The following MATN1 variants were observed in gnomAD, a reference collection of about 807,000 sequenced individuals.
MATN1 encodes the protein matrilin-1.
In MATN1, 34 loss-of-function variants were observed where a neutral mutation model predicts 41.3. That is an observed-to-expected ratio of 0.82 (90% CI 0.63 to 1.10). The LOEUF (loss-of-function observed/expected upper bound fraction) is 1.10, where lower values mean the gene tolerates loss of function less well. Among genes scored for constraint, MATN1 ranks in the 50% least tolerant of loss-of-function variants. The probability of loss-of-function intolerance (pLI) is 0.00; values close to 1 mark genes in which losing one functional copy is unlikely to be tolerated. For synonymous variants in MATN1, 264 were observed against 278.7 expected (o/e 0.95, Z 0.53); for missense variants, 602 against 662.4 (o/e 0.91, Z 1.00).
Position 30,712,743 on chromosome 1 carries a change from TGAACGAATGAGTGAAC to T in MATN1, c.*823_*838del, listed in dbSNP as rs1185314679. On this transcript the variant is annotated 3_prime_UTR_variant, in exon 8 of 8. Coordinates refer to ENST00000373765, the MANE Select transcript of MATN1 (RefSeq NM_002379.3). ...CATTGCCCTGTAAGTACATGATACC[TGAACGAATGAGTGAAC>T]GAATGAATGAATGAACAAATGAGTC... 2 of 152,208 alleles carry T rather than the reference TGAACGAATGAGTGAAC, an allele frequency of 1.3e-5. No individual in the cohort carries two copies. The highest frequency in any genetic ancestry group is 2.9e-5 in the Non-Finnish European group (2 of 68,066). The allele number at this position is 152,208 out of a possible 1,614,324, so 9.4% of individuals were successfully genotyped here. A position where few individuals can be genotyped will look rare whatever the true frequency, so the allele number is the denominator to read the frequency against.
chr1:30,718,640 G>C, intron 3 of MATN1, 95 bp downstream of exon 3: 1 of 502,106 alleles, frequency 2.0e-6, no homozygotes, highest in Non-Finnish European at 2.8e-6. Context: ...CTCCGTCTGC[G>C]CCTCAGCCTC....
At position 30,713,468 on chromosome 1, in the gene MATN1, G is replaced by A. The variant is rs2124150160; in HGVS notation, c.*114C>T. ...AAACGCCATTACACGCTCTCAATAG[G>A]CACACCCAGACACACCCCCTCCCAC... On this transcript the variant is annotated 3_prime_UTR_variant, in exon 8 of 8. Coordinates refer to ENST00000373765, the MANE Select transcript of MATN1 (RefSeq NM_002379.3). The A allele has an allele frequency of 1.0e-6, 1 of 987,320 alleles. No individual in the cohort carries two copies. Among genetic ancestry groups the A allele is most frequent in the East Asian group, 2.6e-5 (1 of 38,162 alleles). The allele number at this position is 987,320 out of a possible 1,614,324, so 61.2% of individuals were successfully genotyped here. A position where few individuals can be genotyped will look rare whatever the true frequency, so the allele number is the denominator to read the frequency against.
In MATN1 at chr1:30,721,484, C is replaced by A. The variant is rs776679810; in HGVS notation, c.362G>T (p.Gly121Val). The A allele has an allele frequency of 1.2e-6, 2 of 1,613,556 alleles. No homozygotes were observed. Among genetic ancestry groups the A allele is most frequent in the Non-Finnish European group, 1.7e-6 (2 of 1,180,024 alleles). Reference sequence around the variant, plus strand: ...GGTGATAGCGAACTGGATGGCCAGGCCGGTCATGGTGCCTGTGGACAGCGG... The same window carrying A: ...GGTGATAGCGAACTGGATGGCCAGGACGGTCATGGTGCCTGTGGACAGCGG... The part of the protein sequence containing the change: ...IQPLSTGTMT[G>V]LAIQFAITKA... Residue 121 changes from glycine to valine, a missense_variant, in exon 2 of 8, where the codon GGC becomes GTC. Gly to Val is a moderately radical substitution (Grantham distance 109). Coordinates refer to ENST00000373765, the MANE Select transcript of MATN1 (RefSeq NM_002379.3).
At chr1:30,720,141 A>G (rs1191253093) in intron 2 of MATN1, 2 of 151,004 alleles carry the variant, frequency 1.3e-5, no homozygotes, top group East Asian at 3.9e-4. Context: ...TCGAGTCCCT[A>G]CTCCCCTCCC....
In MATN1 at chr1:30,713,310, T is replaced by A; in HGVS notation, c.*272A>T. 2.0e-6 allele frequency: 1 copy of A among 490,296 alleles called. No homozygotes were observed. The highest frequency in any genetic ancestry group is 3.7e-6 in the Non-Finnish European group (1 of 271,552). The allele number at this position is 490,296 out of a possible 1,614,324, so 30.4% of individuals were successfully genotyped here. On this transcript the variant is annotated 3_prime_UTR_variant, in exon 8 of 8. Transcript: ENST00000373765. Reference sequence around the variant, plus strand: ...AATGCAAACGCAGTCCCTCTCACACTCACCCCTGCATTATCACTCTCACAC... The same window carrying A: ...AATGCAAACGCAGTCCCTCTCACACACACCCCTGCATTATCACTCTCACAC...
chr1:30,720,203 C>T (rs1297658242), intron 2 of MATN1: 2 of 152,208 alleles, frequency 1.3e-5, no homozygotes, highest in Non-Finnish European at 2.9e-5. Context: ...CACAGGTGAA[C>T]TCCAGGCTGA....
chr1:30,721,358 C>T (rs777329025), intron 2 of MATN1, 47 bp downstream of exon 2: 18 of 1,531,894 alleles, frequency 1.2e-5, no homozygotes, highest in African/African-American at 6.8e-5. Context: ...TAACTCCGAG[C>T]GGGAGCCTCC....
chr1:30,718,648 C>T lies in MATN1; in HGVS notation c.664+87G>A, dbSNP rs560610260. 1.9e-4 allele frequency: 179 copies of T among 922,782 alleles called. 1 individual carries two copies. In the East Asian group the frequency reaches 4.9e-3, roughly 25 times the overall value. 57.2% of individuals were successfully genotyped at this position (922,782 alleles called of 1,614,324 possible). On this transcript the variant is annotated intron_variant, in intron 3 of 7. Coordinates refer to ENST00000373765, the MANE Select transcript of MATN1 (RefSeq NM_002379.3). ...GCGCTGGCTCCGTCTGCGCCTCAGCCTCGGTCCCGCCTCCAGCCCTGGCCC... is the reference window on the plus strand; with the variant it reads ...GCGCTGGCTCCGTCTGCGCCTCAGCTTCGGTCCCGCCTCCAGCCCTGGCCC...
intron 6 of MATN1, among the ~76,000 whole-genome samples, chr1:30,714,762 C>T (rs1445853352): frequency 6.6e-6 from 1 of 152,198 alleles, no homozygotes; most frequent in East Asian, 1.9e-4. Context: ...CTGAAACCCA[C>T]ACTCCTTACC....
At position 30,715,046 on chromosome 1, in the gene MATN1, G is replaced by A. The variant is rs1569826676; in HGVS notation, c.1360+111C>T. On this transcript the variant is annotated intron_variant, in intron 6 of 7. Coordinates refer to ENST00000373765, the MANE Select transcript of MATN1 (RefSeq NM_002379.3). ...CCACCTTCTGGTTCTGCCAACTCTT[G>A]GTGCCACCTCGGCCCCTGCTTTTCC... The A allele has an allele frequency of 3.1e-6, 4 of 1,310,786 alleles. No homozygotes were observed. In the East Asian group the frequency reaches 9.3e-5, roughly 31 times the overall value. 81.2% of individuals were successfully genotyped at this position (1,310,786 alleles called of 1,614,324 possible).
At chr1:30,715,870 C>T (rs373535890) in intron 5 of MATN1, 39 bp downstream of exon 5, 61 of 1,574,910 alleles carry the variant, frequency 3.9e-5, no homozygotes, top group Admixed American at 8.6e-5. Flanking sequence ...GTACCCCTGG[C>T]CATCAGTGGT....
At position 30,716,869 on chromosome 1, in the gene MATN1, C is replaced by T. The variant is rs1051956818; in HGVS notation, c.711G>A (p.Val237=). The part of the protein sequence containing the change: ...CATGDHDCEQ[V]CISSPGSYTC... ...TGTAGGAACCGGGGGAGCTGATGCACACCTGCTCACAGTCATGGTCCCCTG... is the reference window on the plus strand; with the variant it reads ...TGTAGGAACCGGGGGAGCTGATGCATACCTGCTCACAGTCATGGTCCCCTG... Residue 237 remains valine, a synonymous_variant, in exon 4 of 8, where the codon GTG becomes GTA. Transcript: ENST00000373765. The T allele has an allele frequency of 1.9e-6, 3 of 1,613,730 alleles. No individual in the cohort carries two copies. The highest frequency in any genetic ancestry group is 2.5e-6 in the Non-Finnish European group (3 of 1,179,910).
chr1:30,713,275 T>G lies in MATN1; in HGVS notation c.*307A>C, dbSNP rs1455278003. ...AAAAGATGGGAATATATTAAGCTTT[T>G]GATTATAAAAATGCAAACGCAGTCC... is the stretch of plus-strand genomic sequence containing the variant. On this transcript the variant is annotated 3_prime_UTR_variant, in exon 8 of 8. Coordinates refer to ENST00000373765, the MANE Select transcript of MATN1 (RefSeq NM_002379.3). The G allele has an allele frequency of 9.7e-6, 4 of 412,956 alleles. No individual in the cohort carries two copies. Among genetic ancestry groups the G allele is most frequent in the Non-Finnish European group, 1.8e-5 (4 of 225,648 alleles). 25.6% of individuals were successfully genotyped at this position (412,956 alleles called of 1,614,324 possible).
At chr1:30,716,350 G>A (rs1417949138) in intron 4 of MATN1, 25 bp from the exon 5 acceptor site, 2 of 1,602,376 alleles carry the variant, frequency 1.2e-6, no homozygotes, top group Non-Finnish European at 8.5e-7. Context: ...AAGGCAACGG[G>A]CTGAAGCTGA....
At chr1:30,713,688 T>C in intron 7 of MATN1, 57 bp from the exon 8 acceptor site, 1 of 1,437,056 alleles carries the variant, frequency 7.0e-7, no homozygotes, top group Non-Finnish European at 9.6e-7. Flanking sequence ...GGGATGGCTG[T>C]GGCCCTGCAC....
chr1:30,715,447 G>GA (rs1639603359), intron 5 of MATN1, 138 bp from the exon 6 acceptor site: 1 of 742,546 alleles, frequency 1.3e-6, no homozygotes, highest in South Asian at 1.8e-5. Flanking sequence ...ACAATGCCTG[G>GA]AACAAGGACA....
chr1:30,711,371 C>A lies in MATN1; in HGVS notation c.*2211G>T, dbSNP rs1188394. The stretch of plus-strand genomic sequence containing the variant: ...TCTGTCAGTAGACCATGGCTGCCCT[C>A]GGGAGATGCTGGTTTTCATTTACAA... On this transcript the variant is annotated 3_prime_UTR_variant, in exon 8 of 8. Coordinates refer to ENST00000373765, the MANE Select transcript of MATN1 (RefSeq NM_002379.3). The A allele has an allele frequency of 0.54, 82,575 of 152,026 alleles. 23,408 individuals are homozygous for A. The highest frequency in any genetic ancestry group is 0.71 in the African/African-American group (29,388 of 41,484). The allele number at this position is 152,026 out of a possible 1,614,324, so 9.4% of individuals were successfully genotyped here. A position where few individuals can be genotyped will look rare whatever the true frequency, so the allele number is the denominator to read the frequency against.
rs141192445 is a variant in MATN1, at chr1:30,723,542, G to A, written c.10C>T (p.Leu4Phe). The A allele has an allele frequency of 3.9e-6, 6 of 1,537,014 alleles. No homozygotes were observed. Among genetic ancestry groups the A allele is most frequent in the African/African-American group, 2.8e-5 (2 of 72,146 alleles). Residue 4 changes from leucine (L) to phenylalanine (F), a missense_variant, in exon 1 of 8, where the codon CTC becomes TTC. Coordinates refer to ENST00000373765, the MANE Select transcript of MATN1 (RefSeq NM_002379.3). The stretch of plus-strand genomic sequence containing the variant: ...CAGAGCATGAGGCTAGTGCCAGAGA[G>A]GACCCTCATAGTTCTGGCAGCACGG... MRVLSGTSLMLCSL... is the reference protein window; with the variant it reads MRVFSGTSLMLCSL...
rs752638041 is a variant in MATN1, at chr1:30,716,151, G to A, written c.965C>T (p.Ser322Phe). 3.1e-6 allele frequency: 5 copies of A among 1,614,136 alleles called. No homozygotes were observed. Among genetic ancestry groups the A allele is most frequent in the African/African-American group, 1.3e-5 (1 of 74,950 alleles). The change falls in exon 5 of 8, where the codon TCT becomes TTT. Residue 322 changes from serine (S) to phenylalanine (F), a missense_variant. Transcript: ENST00000373765. The part of the protein sequence containing the change: ...AQVGLVQYSS[S>F]VRQEFPLGRF... ...ACCCAGGGGGAACTCCTGGCGCACAGAGCTTGAGTACTGCACCAGCCCCAC... is the reference window on the plus strand; with the variant it reads ...ACCCAGGGGGAACTCCTGGCGCACAAAGCTTGAGTACTGCACCAGCCCCAC...
Sources: gnomAD v4.1 joint callset for allele counts (sites outside exome capture counted in the v4.1 genomes callset) on GRCh38, gnomAD v4.1.1 for gene constraint, MANE v1.5 for transcripts, NCBI Gene and HGNC (gene_info 2026-07-23, HGNC 2026-07-21) for gene names.